The following CRIM1 variants were observed in gnomAD, a reference collection of about 807,000 sequenced individuals.
CRIM1 encodes the protein cysteine rich transmembrane BMP regulator 1, also known as cysteine-rich motor neuron 1 protein.
A neutral mutation model predicts 116.4 loss-of-function variants in CRIM1; 32 were observed. That is an observed-to-expected ratio of 0.27 (90% confidence interval 0.21 to 0.37). The LOEUF (loss-of-function observed/expected upper bound fraction) is 0.37, where lower values mean the gene tolerates loss of function less well. CRIM1 is among the 10% of genes least tolerant of loss of function. CRIM1 has a pLI of 1.00. For missense variants in CRIM1, 1,331 were observed against 1,354.8 expected, an observed-to-expected ratio of 0.98 and a Z score of 0.28; for synonymous variants, 590 against 509.2, an observed-to-expected ratio of 1.16 and a Z score of -2.13.
chr2:36,527,273 GAAGTGTTTTT>G (rs1665819243), intron 13 of CRIM1, among the ~76,000 whole-genome samples: 1 of 151,978 alleles, frequency 6.6e-6, no homozygotes. Context: ...GAGTATCATT[GAAGTGTTTTT>G]AAGTGTCATA....
At chr2:36,433,339 G>A (rs868007688) in intron 2 of CRIM1, among the ~76,000 whole-genome samples, 5 of 152,174 alleles carry the variant, frequency 3.3e-5, no homozygotes, top group African/African-American at 1.2e-4. Flanking sequence ...CATCGTTTGG[G>A]AAGAAAAGAT....
chr2:36,424,829 TATGC>T, intron 2 of CRIM1, among the ~76,000 whole-genome samples: 1 of 152,344 alleles, frequency 6.6e-6, no homozygotes. Flanking sequence ...TTACAAATTG[TATGC>T]ATGTATTAAA....
rs937307006 is a variant in CRIM1 at position 36,356,619 on chromosome 2, C to T, written c.327C>T (p.Cys109=). The T allele has an allele frequency of 1.6e-5, 26 of 1,605,480 alleles. No individual in the cohort carries two copies. Among genetic ancestry groups the T allele is most frequent in the Non-Finnish European group, 2.2e-5 (26 of 1,177,164 alleles). ...TCACCGAGTACGAAGCGGGCGTTTG[C>T]GAAGGTACGGCCGCCCGCTGCGGGC... ...DSLTEYEAGV[C]EDENWTDDQL... Residue 109 remains cysteine (C), a synonymous_variant, in exon 1 of 17, where the codon TGC becomes TGT. Coordinates refer to ENST00000280527, the MANE Select transcript of CRIM1 (RefSeq NM_016441.3). This position sits in a 1 kb window ranked among gnomAD's most constrained non-coding sequence, Gnocchi z 4.3.
intron 13 of CRIM1, among the ~76,000 whole-genome samples, chr2:36,534,233 G>T (rs1169535109): frequency 1.4e-5 from 2 of 138,732 alleles, no homozygotes; most frequent in Admixed American, 1.4e-4. Flanking sequence ...AGGAAGGAGG[G>T]TGGGGAAGGA....
intron 15 of CRIM1, among the ~76,000 whole-genome samples, chr2:36,545,169 A>C (rs1466473473): frequency 6.6e-6 from 1 of 152,188 alleles, no homozygotes; most frequent in African/African-American, 2.4e-5. Context: ...ATATTTTCCA[A>C]ATCATTGCTA....
intron 4 of CRIM1, among the ~76,000 whole-genome samples, chr2:36,443,094 T>G (rs568287480): frequency 2.4e-4 from 36 of 152,280 alleles, no homozygotes; most frequent in Middle Eastern, 6.8e-3. Context: ...GTGAATCTTG[T>G]AGGTGCTTAA....
intron 1 of CRIM1, among the ~76,000 whole-genome samples, chr2:36,371,352 C>T (rs1053689597): frequency 3.9e-5 from 6 of 152,112 alleles, no homozygotes; most frequent in African/African-American, 1.4e-4. Flanking sequence ...TGTCTCTCTG[C>T]CTCATTGTGA....
In CRIM1 at chr2:36,356,199, TGCGGCG is replaced by T; in HGVS notation, c.-84_-79del. 2.2e-6 allele frequency: 1 copy of T among 458,828 alleles called. No homozygotes were observed. The highest frequency in any genetic ancestry group is 3.2e-6 in the Non-Finnish European group (1 of 308,576). 28.4% of individuals were successfully genotyped at this position (458,828 alleles called of 1,614,324 possible). ...GGCGGTGAGGACCGCGGGCTGCTGG[TGCGGCG>T]GCGGCGGCGCGTGTGCCCCGCGCAG... On this transcript the variant is annotated 5_prime_UTR_variant, in exon 1 of 17. Transcript: ENST00000280527. This position sits in a 1 kb window ranked among gnomAD's most constrained non-coding sequence, Gnocchi z 4.3.
At chr2:36,536,263 A>G (rs1414182193) in intron 13 of CRIM1, among the ~76,000 whole-genome samples, 3 of 152,118 alleles carry the variant, frequency 2.0e-5, no homozygotes, top group Admixed American at 1.3e-4. Flanking sequence ...GTGTCTATTC[A>G]ATGAATTCTG....
At position 36,550,062 on chromosome 2, in the gene CRIM1, T is replaced by TGC. The variant is rs1238313592; in HGVS notation, c.*1362_*1363insCG. 2.7e-5 allele frequency: 4 copies of TGC among 148,586 alleles called. No homozygotes were observed. Among genetic ancestry groups the TGC allele is most frequent in the African/African-American group, 1.0e-4 (4 of 39,798 alleles). 9.2% of individuals were successfully genotyped at this position (148,586 alleles called of 1,614,324 possible). A position where few individuals can be genotyped will look rare whatever the true frequency, so the allele number is the denominator to read the frequency against. On this transcript the variant is annotated 3_prime_UTR_variant, in exon 17 of 17. Coordinates refer to ENST00000280527, the MANE Select transcript of CRIM1 (RefSeq NM_016441.3). ...ATGTATGTGTGTGTGTGTGTGTGTGTGTGTGCGCGCGCACGCACGCCTTGA... is the reference window on the plus strand; with the variant it reads ...ATGTATGTGTGTGTGTGTGTGTGTGTGCGTGTGCGCGCGCACGCACGCCTTGA...
intron 2 of CRIM1, among the ~76,000 whole-genome samples, chr2:36,436,551 C>G (rs1031289352): frequency 2.6e-5 from 4 of 152,196 alleles, no homozygotes; most frequent in South Asian, 4.1e-4. Context: ...TTACAGATCC[C>G]TCTTGGAAAT....
At chr2:36,429,435 G>A (rs74995896) in intron 2 of CRIM1, among the ~76,000 whole-genome samples, 2,098 of 152,284 alleles carry the variant, frequency 0.014, 25 homozygotes, top group Non-Finnish European at 0.021. Flanking sequence ...TTCTCTCTCA[G>A]GCCTAGATGC....
At chr2:36,420,039 TTG>T (rs1272050757) in intron 2 of CRIM1, among the ~76,000 whole-genome samples, 2 of 152,322 alleles carry the variant, frequency 1.3e-5, no homozygotes, top group East Asian at 3.9e-4. Context: ...TTTCCTCTTA[TTG>T]TTTTCTGTTT....
At chr2:36,378,247 A>C in intron 1 of CRIM1, 1 of 467,262 alleles carries the variant, frequency 2.1e-6, no homozygotes, top group South Asian at 1.6e-5. Flanking sequence ...ATCAATGAGT[A>C]ATTGATGGGA....
chr2:36,366,448 C>A (rs1157067179), intron 1 of CRIM1, among the ~76,000 whole-genome samples: 1 of 151,784 alleles, frequency 6.6e-6, no homozygotes, highest in Non-Finnish European at 1.5e-5. Flanking sequence ...TAGGGTGTTA[C>A]CATTTTGTAT....
At chr2:36,480,515 T>C (rs1239956103) in intron 7 of CRIM1, among the ~76,000 whole-genome samples, 3 of 152,244 alleles carry the variant, frequency 2.0e-5, no homozygotes, top group Non-Finnish European at 2.9e-5. Flanking sequence ...TGGATCTTTC[T>C]AGAATTTCTA....
At chr2:36,430,353 A>G (rs1674787908) in intron 2 of CRIM1, among the ~76,000 whole-genome samples, 1 of 152,186 alleles carries the variant, frequency 6.6e-6, no homozygotes, top group African/African-American at 2.4e-5. Flanking sequence ...TTAATAAATT[A>G]TTTGTTGAAA....
At chr2:36,378,806 G>GGTT (rs1553368331) in intron 1 of CRIM1, 21,967 of 117,932 alleles carry the variant, frequency 0.19, 2,214 homozygotes, top group Non-Finnish European at 0.26. Context: ...GTTGTTTTCG[G>GGTT]TTTTTTTTTT....
chr2:36,481,902 G>C (rs1679447360), intron 7 of CRIM1, among the ~76,000 whole-genome samples: 1 of 152,180 alleles, frequency 6.6e-6, no homozygotes, highest in African/African-American at 2.4e-5. Context: ...GAGGAGTGAG[G>C]GCAGTCAGCG....
Sources: gnomAD v4.1 joint callset for allele counts (sites outside exome capture counted in the v4.1 genomes callset) on GRCh38, gnomAD v4.1.1 for gene constraint, Gnocchi (gnomAD v3.1) non-coding constraint, MANE v1.5 for transcripts, NCBI Gene and HGNC (gene_info 2026-07-23, HGNC 2026-07-21) for gene names.